Variants in PCDHA3 observed in about 807,000 individuals in gnomAD.
The protein encoded by PCDHA3 is protocadherin alpha 3, also known as protocadherin alpha-3.
Under a neutral mutation model 62.2 loss-of-function variants are expected in PCDHA3, and 41 were observed. That is an observed-to-expected ratio of 0.66 (90% CI 0.51 to 0.86). The LOEUF (loss-of-function observed/expected upper bound fraction) is 0.86, where lower values mean the gene tolerates loss of function less well. Ranked by LOEUF, PCDHA3 falls within the 40% of genes least tolerant of loss-of-function variation. The pLI is 0.00. For missense variants in PCDHA3, 1,304 were observed against 1,241.2 expected (o/e 1.05, Z -0.76); for synonymous variants, 640 against 555.4 (o/e 1.15, Z -2.14).
intron 3 of PCDHA3, among the ~76,000 whole-genome samples, chr5:140,990,016 G>A (rs1211656433): frequency 6.6e-6 from 1 of 152,138 alleles, no homozygotes; most frequent in East Asian, 1.9e-4. Flanking sequence ...GCGTGGGCTA[G>A]GCAAAGGATG....
intron 1 of PCDHA3, chr5:140,859,465 T>A: frequency 4.7e-6 from 1 of 214,084 alleles, no homozygotes; most frequent in Non-Finnish European, 9.1e-6. Flanking sequence ...AAAACTACAC[T>A]ATCAATTGTG....
chr5:140,955,998 G>A (rs1194688184), intron 1 of PCDHA3, among the ~76,000 whole-genome samples: 1 of 152,174 alleles, frequency 6.6e-6, no homozygotes, highest in Non-Finnish European at 1.5e-5. Context: ...CATTGATTTT[G>A]TATCCTGAGA....
At chr5:140,875,264 C>CTACA in intron 1 of PCDHA3, 1 of 1,189,324 alleles carries the variant, frequency 8.4e-7, no homozygotes, top group Non-Finnish European at 1.1e-6. Context: ...TGATGTCGCT[C>CTACA]TACACTCAGA....
At chr5:140,998,273 A>G (rs1448303020) in intron 3 of PCDHA3, among the ~76,000 whole-genome samples, 1 of 152,216 alleles carries the variant, frequency 6.6e-6, no homozygotes, top group East Asian at 1.9e-4. Context: ...ACTGACACCC[A>G]TAGGATTAAA....
At chr5:140,884,833 C>A in intron 1 of PCDHA3, 2 of 916,632 alleles carry the variant, frequency 2.2e-6, no homozygotes, top group Non-Finnish European at 3.1e-6. Context: ...GTTGGATTAT[C>A]CTTCAGAGTG....
intron 1 of PCDHA3, among the ~76,000 whole-genome samples, chr5:140,950,612 T>A (rs2094502401): frequency 6.6e-6 from 1 of 152,072 alleles, no homozygotes; most frequent in Non-Finnish European, 1.5e-5. Flanking sequence ...ATGATGTGCT[T>A]ATTTATGCTT....
intron 1 of PCDHA3, chr5:140,841,618 C>T (rs782778902): frequency 6.2e-7 from 1 of 1,614,014 alleles, no homozygotes; most frequent in South Asian, 1.1e-5. Flanking sequence ...GCGGGCGGAG[C>T]GCGGAGTGCA....
chr5:140,966,978 G>T lies in PCDHA3; in HGVS notation c.2395-11971G>T, dbSNP rs782662616. The stretch of plus-strand genomic sequence containing the variant: ...CGCGCGCTGGGGCTTGAGCTGCGGC[G>T]CTTGGGGCCGGGTTGCTTGCGCATC... On this transcript the variant is annotated intron_variant, in intron 1 of 3. Transcript: ENST00000522353. 3.1e-6 allele frequency: 5 copies of T among 1,603,218 alleles called. No homozygotes were observed. In the African/African-American group the frequency reaches 5.3e-5, roughly 17 times the overall value.
rs941007574 is a variant in PCDHA3, at chr5:141,010,090, C to T, written c.*153C>T. 1.9e-6 allele frequency: 3 copies of T among 1,612,518 alleles called. No individual in the cohort carries two copies. Among genetic ancestry groups the T allele is most frequent in the Non-Finnish European group, 2.5e-6 (3 of 1,179,284 alleles). ...AAGTTCCCTGTGTCTGTCTAGAACG[C>T]ATTTAACAGGTTTTGTCGTAAAAGC... is the stretch of plus-strand genomic sequence containing the variant. On this transcript the variant is annotated 3_prime_UTR_variant, in exon 4 of 4. Coordinates refer to ENST00000522353, the MANE Select transcript of PCDHA3 (RefSeq NM_018906.3).
rs2126667255 is a variant in PCDHA3 at position 140,815,841 on chromosome 5, T to G, written c.2394+12250T>G. The G allele has an allele frequency of 8.5e-5, 13 of 152,338 alleles. No individual in the cohort carries two copies. The South Asian group carries it at 2.7e-3, about 32-fold the overall frequency. 9.4% of individuals were successfully genotyped at this position (152,338 alleles called of 1,614,324 possible). Reference sequence around the variant, plus strand: ...CTTTTTCATTTTTGAAGACAAACTTTGGTGGATTTGGTATTCTTGGCTGGC... The same window carrying G: ...CTTTTTCATTTTTGAAGACAAACTTGGGTGGATTTGGTATTCTTGGCTGGC... On this transcript the variant is annotated intron_variant, in intron 1 of 3. Coordinates refer to ENST00000522353, the MANE Select transcript of PCDHA3 (RefSeq NM_018906.3).
At chr5:140,990,736 C>G (rs181451094) in intron 3 of PCDHA3, among the ~76,000 whole-genome samples, 22 of 152,218 alleles carry the variant, frequency 1.4e-4, no homozygotes, top group African/African-American at 5.3e-4. Flanking sequence ...TATCAACAGC[C>G]CTAGGGTGGA....
At chr5:140,942,731 T>C (rs1404765148) in intron 1 of PCDHA3, among the ~76,000 whole-genome samples, 4 of 152,052 alleles carry the variant, frequency 2.6e-5, no homozygotes, top group Non-Finnish European at 5.9e-5. Flanking sequence ...TGTTGAAAAA[T>C]ATTTTAAAAT....
intron 1 of PCDHA3, chr5:140,968,853 A>G (rs782470050): frequency 3.7e-6 from 6 of 1,614,108 alleles, no homozygotes; most frequent in Non-Finnish European, 4.2e-6. Context: ...AGGCATGTTA[A>G]GAGCCCTCGG....
intron 1 of PCDHA3, among the ~76,000 whole-genome samples, chr5:140,893,672 T>G (rs1554185735): frequency 6.6e-6 from 1 of 152,216 alleles, no homozygotes; most frequent in African/African-American, 2.4e-5. Flanking sequence ...ATTTCAGCAC[T>G]TTGGATATAT....
chr5:140,926,793 G>T (rs2083556626), intron 1 of PCDHA3: 2 of 1,444,034 alleles, frequency 1.4e-6, no homozygotes, highest in Admixed American at 5.5e-5. Flanking sequence ...CGGCAGGAGC[G>T]TGCTCTTCCC....
chr5:140,966,363 G>A (rs1476634162), intron 1 of PCDHA3: 3 of 402,216 alleles, frequency 7.5e-6, no homozygotes, highest in Admixed American at 4.4e-5. Flanking sequence ...GGGCTGGAGA[G>A]GCTGAGCAGT....
chr5:140,802,379 C>G lies in PCDHA3; in HGVS notation c.1182C>G (p.Pro394=), dbSNP rs781889429. 3 of 1,614,152 alleles carry G rather than the reference C, an allele frequency of 1.9e-6. No homozygotes were observed. The highest frequency in any genetic ancestry group is 2.2e-5 in the East Asian group (1 of 44,900). The part of the protein sequence containing the change: ...QVTCSLTPHV[P]FKLVSTFKNY... The stretch of plus-strand genomic sequence containing the variant: ...CCTGCTCGCTGACGCCCCACGTCCC[C>G]TTCAAGCTGGTGTCCACCTTCAAGA... Residue 394 remains proline (P), a synonymous_variant, in exon 1 of 4, where the codon CCC becomes CCG. Coordinates refer to ENST00000522353, the MANE Select transcript of PCDHA3 (RefSeq NM_018906.3).
intron 1 of PCDHA3, among the ~76,000 whole-genome samples, chr5:140,896,950 C>A (rs996950218): frequency 6.6e-6 from 1 of 152,106 alleles, no homozygotes; most frequent in Non-Finnish European, 1.5e-5. Context: ...TGGCCATTCC[C>A]TTAAACATTT....
chr5:140,982,662 T>C (rs1325546785), intron 3 of PCDHA3, 99 bp downstream of exon 3: 4 of 1,476,284 alleles, frequency 2.7e-6, no homozygotes, highest in Admixed American at 2.6e-5. Context: ...CTTTTTCTTT[T>C]ATATTTTTGT....
Sources: gnomAD v4.1 joint callset for allele counts (sites outside exome capture counted in the v4.1 genomes callset) on GRCh38, gnomAD v4.1.1 for gene constraint, MANE v1.5 for transcripts, NCBI Gene and HGNC (gene_info 2026-07-23, HGNC 2026-07-21) for gene names.